The following RPA3 variants were observed in gnomAD, a reference collection of about 807,000 sequenced individuals.
The protein encoded by RPA3 is replication protein A3, also known as replication protein A 14 kDa subunit.
Under a neutral mutation model 13.7 loss-of-function variants are expected in RPA3, and 24 were observed. The ratio of observed to expected loss-of-function variants is 1.75; its 90% CI spans 1.27 to 2.46. RPA3 has a LOEUF of 2.46. RPA3 is among the 30% of genes most tolerant of loss of function. The pLI is 0.00. For synonymous variants in RPA3, 59 were observed against 51.2 expected (o/e 1.15, Z -0.65); for missense variants, 183 against 151.0 (o/e 1.21, Z -1.11).
At chr7:7,676,566 T>C (rs1322361462) in intron 4 of RPA3, among the ~76,000 whole-genome samples, 1 of 152,222 alleles carries the variant, frequency 6.6e-6, no homozygotes, top group East Asian at 1.9e-4. Context: ...AGTTGTATTC[T>C]CTACAATTGA....
intron 2 of RPA3, among the ~76,000 whole-genome samples, chr7:7,713,215 G>A (rs1780811112): frequency 6.6e-6 from 1 of 151,886 alleles, no homozygotes; most frequent in South Asian, 2.1e-4. Context: ...ATGGTGGCGT[G>A]CACCTGTAGT....
chr7:7,648,084 G>A (rs1410542208), intron 4 of RPA3, among the ~76,000 whole-genome samples: 1 of 152,208 alleles, frequency 6.6e-6, no homozygotes, highest in African/African-American at 2.4e-5. Flanking sequence ...AGCTGGCCTG[G>A]GAGGTCTCAG....
chr7:7,639,065 C>T lies in RPA3; in HGVS notation c.174+5G>A, dbSNP rs781266316. On this transcript the variant is annotated splice_donor_5th_base_variant and intron_variant, in intron 6 of 7. Coordinates refer to ENST00000223129, the MANE Select transcript of RPA3 (RefSeq NM_002947.5). ...TATAAGAGACTTATTAACACTTAAACATACGGGTTCCATCAACTCGATGGT... is the reference window on the plus strand; with the variant it reads ...TATAAGAGACTTATTAACACTTAAATATACGGGTTCCATCAACTCGATGGT... 1.9e-6 allele frequency: 3 copies of T among 1,604,874 alleles called. No individual in the cohort carries two copies. Among genetic ancestry groups the T allele is most frequent in the Non-Finnish European group, 2.6e-6 (3 of 1,175,166 alleles).
At chr7:7,680,116 C>G (rs922648006) in intron 4 of RPA3, among the ~76,000 whole-genome samples, 3 of 152,048 alleles carry the variant, frequency 2.0e-5, no homozygotes, top group African/African-American at 7.2e-5. Flanking sequence ...AATCTTTGTT[C>G]AGATTACTGT....
intron 2 of RPA3, among the ~76,000 whole-genome samples, chr7:7,693,777 T>C (rs1780238328): frequency 6.6e-6 from 1 of 152,204 alleles, no homozygotes; most frequent in Non-Finnish European, 1.5e-5. Flanking sequence ...GTAAGATGTT[T>C]ATGTGATATT....
intron 4 of RPA3, among the ~76,000 whole-genome samples, chr7:7,645,770 C>G (rs1287976899): frequency 2.0e-5 from 3 of 147,952 alleles, no homozygotes; most frequent in African/African-American, 7.5e-5. Context: ...GATATATTGT[C>G]TTTTATATAT....
At chr7:7,680,826 G>C (rs2115121035) in intron 4 of RPA3, among the ~76,000 whole-genome samples, 1 of 150,266 alleles carries the variant, frequency 6.7e-6, no homozygotes, top group African/African-American at 2.4e-5. Context: ...TTACTTTCTT[G>C]GTTTCTTTTT....
At chr7:7,673,227 G>A (rs1427182138) in intron 4 of RPA3, 17 of 861,324 alleles carry the variant, frequency 2.0e-5, no homozygotes, top group East Asian at 5.3e-5. Flanking sequence ...TTGTTATATC[G>A]TTATGCTGAA....
chr7:7,677,544 A>T (rs1444056341), intron 4 of RPA3, among the ~76,000 whole-genome samples: 1 of 151,272 alleles, frequency 6.6e-6, no homozygotes, highest in Non-Finnish European at 1.5e-5. Context: ...ACTTTACATG[A>T]TCTCCTCTAG....
chr7:7,704,401 T>G (rs1334085477), intron 2 of RPA3, among the ~76,000 whole-genome samples: 1 of 151,994 alleles, frequency 6.6e-6, no homozygotes, highest in South Asian at 2.1e-4. Flanking sequence ...GGGTCCTCAG[T>G]AATTTTTGAG....
At chr7:7,673,162 A>G (rs1318711385) in intron 4 of RPA3, 8 of 672,856 alleles carry the variant, frequency 1.2e-5, no homozygotes, top group Admixed American at 6.9e-5. Flanking sequence ...GTCGGCTGAC[A>G]TCTAGAGAAG....
At chr7:7,680,075 G>T (rs1178861692) in intron 4 of RPA3, among the ~76,000 whole-genome samples, 1 of 151,900 alleles carries the variant, frequency 6.6e-6, no homozygotes, top group Non-Finnish European at 1.5e-5. Flanking sequence ...TTTTGCTTTG[G>T]TTGCCTGTGC....
chr7:7,696,010 C>G (rs1047724812), intron 2 of RPA3, among the ~76,000 whole-genome samples: 5 of 130,184 alleles, frequency 3.8e-5, no homozygotes, highest in African/African-American at 1.4e-4. Context: ...GATAAACTTA[C>G]CAGTGTAATT....
chr7:7,704,286 A>T (rs1473621430), intron 2 of RPA3, among the ~76,000 whole-genome samples: 1 of 152,134 alleles, frequency 6.6e-6, no homozygotes, highest in Non-Finnish European at 1.5e-5. Context: ...CATTCATGTA[A>T]ATATGTAAAA....
At chr7:7,664,824 T>C (rs1471538674) in intron 4 of RPA3, among the ~76,000 whole-genome samples, 3 of 152,232 alleles carry the variant, frequency 2.0e-5, no homozygotes, top group Non-Finnish European at 4.4e-5. Flanking sequence ...CTGTACTGTA[T>C]TGGTATCTCT....
At chr7:7,637,192 G>C (rs1583678472) in intron 7 of RPA3, 110 bp from the exon 8 acceptor site, 2 of 809,934 alleles carry the variant, frequency 2.5e-6, no homozygotes, top group Non-Finnish European at 4.1e-6. Context: ...TTGGAAGTGA[G>C]TTTCTAAAAA....
intron 3 of RPA3, among the ~76,000 whole-genome samples, chr7:7,686,560 G>A (rs1276596235): frequency 1.3e-5 from 2 of 152,146 alleles, no homozygotes; most frequent in African/African-American, 4.8e-5. Context: ...AGGCATGCAC[G>A]TATACTCATA....
At chr7:7,702,145 A>C (rs1378135277) in intron 2 of RPA3, among the ~76,000 whole-genome samples, 1 of 152,216 alleles carries the variant, frequency 6.6e-6, no homozygotes, top group Non-Finnish European at 1.5e-5. Context: ...TTGTGATTGC[A>C]AGGAGGATTT....
intron 4 of RPA3, among the ~76,000 whole-genome samples, chr7:7,658,878 T>C: frequency 6.6e-6 from 1 of 152,216 alleles, no homozygotes; most frequent in East Asian, 1.9e-4. Context: ...TCAGAAGGAA[T>C]GGTACCAGCT....
Sources: gnomAD v4.1 joint callset for allele counts (sites outside exome capture counted in the v4.1 genomes callset) on GRCh38, gnomAD v4.1.1 for gene constraint, MANE v1.5 for transcripts, NCBI Gene and HGNC (gene_info 2026-07-23, HGNC 2026-07-21) for gene names.